Variants in TRMT1L observed in about 807,000 individuals in gnomAD.
TRMT1L encodes tRNA methyltransferase 1L, also known as tRNA (guanine(27)-N(2))-dimethyltransferase.
TRMT1L carries 28 observed loss-of-function variants against 81.6 expected under a neutral mutation model. The ratio of observed to expected loss-of-function variants is 0.34; its 90% confidence interval spans 0.25 to 0.47. The LOEUF (loss-of-function observed/expected upper bound fraction) is 0.47, where lower values mean the gene tolerates loss of function less well. TRMT1L is among the 20% of genes least tolerant of loss of function. TRMT1L has a pLI of 1.00. For synonymous variants in TRMT1L, 301 were observed against 303.2 expected, an observed-to-expected ratio of 0.99 and a Z score of 0.07; for missense variants, 739 against 877.1, an observed-to-expected ratio of 0.84 and a Z score of 1.99.
At chr1:185,155,953 G>A (rs2102266176) in intron 1 of TRMT1L, among the ~76,000 whole-genome samples, 1 of 152,294 alleles carries the variant, frequency 6.6e-6, no homozygotes, top group Non-Finnish European at 1.5e-5. Flanking sequence ...CTTTTCGGAG[G>A]CAAGCTGCTA....
intron 9 of TRMT1L, 91 bp from the exon 10 acceptor site, chr1:185,137,887 T>G: frequency 7.8e-7 from 1 of 1,279,658 alleles, no homozygotes; most frequent in Non-Finnish European, 1.1e-6. Flanking sequence ...CAGTATACTA[T>G]GGATAAGTTA....
chr1:185,141,003 A>G lies in TRMT1L; in HGVS notation c.860-781T>C, dbSNP rs150733451. On this transcript the variant is annotated intron_variant, in intron 7 of 14. Coordinates refer to ENST00000367506, the MANE Select transcript of TRMT1L (RefSeq NM_030934.5). ...AAAAAAAACAACAAAAACAAAAACAAAAAAGCGAATGATTAGAGGAAGAAT... is the reference window on the plus strand; with the variant it reads ...AAAAAAAACAACAAAAACAAAAACAGAAAAGCGAATGATTAGAGGAAGAAT... Among the ~76,000 whole-genome samples, 8 of 151,984 alleles carry G rather than the reference A, an allele frequency of 5.3e-5. No individual in the cohort carries two copies. In the East Asian group the frequency reaches 1.4e-3, roughly 26 times the overall value.
intron 10 of TRMT1L, among the ~76,000 whole-genome samples, chr1:185,132,549 A>T (rs1458489738): frequency 6.6e-6 from 1 of 151,126 alleles, no homozygotes; most frequent in Admixed American, 6.6e-5. Context: ...TAAAAATAAA[A>T]ATAAATAAAT....
In TRMT1L at chr1:185,156,487, C is replaced by A. The variant is rs144761784; in HGVS notation, c.226G>T (p.Ala76Ser). The A allele has an allele frequency of 1.7e-5, 27 of 1,613,830 alleles. No individual in the cohort carries two copies. In the African/African-American group the frequency reaches 3.2e-4, roughly 19 times the overall value. The change falls in exon 1 of 15, where the codon GCT becomes TCT. Residue 76 changes from alanine (A) to serine (S), a missense_variant. Physicochemically the swap from Ala to Ser is moderately conservative, Grantham distance 99. Coordinates refer to ENST00000367506, the MANE Select transcript of TRMT1L (RefSeq NM_030934.5). ...GGCCTTCTGCACTTACTGCTTTTAG[C>A]CTCCTCAGGGGCAGAGGCTAGGGAC... ...SPSLASAPEE[A>S]KSKRHISIQR... is the part of the protein sequence containing the mutation.
At chr1:185,134,740 GGCTATTGGACAT>G (rs1652854896) in intron 10 of TRMT1L, among the ~76,000 whole-genome samples, 1 of 152,206 alleles carries the variant, frequency 6.6e-6, no homozygotes, top group Admixed American at 6.5e-5. Context: ...TAAGTATACA[GGCTATTGGACAT>G]GCTTTGGGCA....
chr1:185,149,969 T>G (rs1653297221), intron 3 of TRMT1L, among the ~76,000 whole-genome samples: 2 of 152,194 alleles, frequency 1.3e-5, no homozygotes, highest in South Asian at 2.1e-4. Flanking sequence ...ACTCCAGTAG[T>G]TTTTTTAAGC....
In TRMT1L at chr1:185,148,204, C is replaced by T. The variant is rs1026199514; in HGVS notation, c.461-958G>A. 2.0e-5 allele frequency among the ~76,000 whole-genome samples: 3 copies of T among 152,142 alleles called. No homozygotes were observed. The East Asian group carries it at 5.8e-4, about 29-fold the overall frequency. ...CTTCTGACAACTCCCAAATGCATAT[C>T]TTTAGCCCCACATTCTTCCTGAACT... is the stretch of plus-strand genomic sequence containing the variant. On this transcript the variant is annotated intron_variant, in intron 3 of 14. Transcript: ENST00000367506.
At chr1:185,143,884 C>A (rs1430764294) in intron 6 of TRMT1L, 22 bp downstream of exon 6, 2 of 1,591,488 alleles carry the variant, frequency 1.3e-6, no homozygotes, top group East Asian at 2.3e-5. Flanking sequence ...CATCCCATAA[C>A]CCTATTTTCA....
At position 185,140,001 on chromosome 1, in the gene TRMT1L, G is replaced by A; in HGVS notation, c.1081C>T (p.Leu361=). 6.2e-7 allele frequency: 1 copy of A among 1,613,538 alleles called. No homozygotes were observed. Among genetic ancestry groups the A allele is most frequent in the East Asian group, 2.2e-5 (1 of 44,752 alleles). ...IKVTKMDANV[L]MHLRSFDFIH... ...AAATCAAAAGATCTCAAATGCATCAGTACATTGGCATCCATTTTGGTCACC... is the reference window on the plus strand; with the variant it reads ...AAATCAAAAGATCTCAAATGCATCAATACATTGGCATCCATTTTGGTCACC... The change falls in exon 8 of 15, where the codon CTG becomes TTG. Residue 361 remains leucine (L), a synonymous_variant. Coordinates refer to ENST00000367506, the MANE Select transcript of TRMT1L (RefSeq NM_030934.5).
At chr1:185,148,052 G>C (rs1186063388) in intron 3 of TRMT1L, among the ~76,000 whole-genome samples, 1 of 152,042 alleles carries the variant, frequency 6.6e-6, no homozygotes, top group African/African-American at 2.4e-5. Context: ...TTATACCTTA[G>C]ATTCGATCAT....
intron 13 of TRMT1L, among the ~76,000 whole-genome samples, chr1:185,121,582 A>C (rs1191130424): frequency 6.6e-6 from 1 of 152,224 alleles, no homozygotes; most frequent in Non-Finnish European, 1.5e-5. Flanking sequence ...TCCATCCATC[A>C]AATCAGAATT....
chr1:185,130,772 G>A (rs1218194808), intron 10 of TRMT1L, among the ~76,000 whole-genome samples: 6 of 152,152 alleles, frequency 3.9e-5, no homozygotes, highest in Non-Finnish European at 8.8e-5. Context: ...TTTAGTTACA[G>A]TTGAGAGTGA....
chr1:185,155,639 T>G (rs905222714), intron 1 of TRMT1L, among the ~76,000 whole-genome samples: 17 of 152,240 alleles, frequency 1.1e-4, no homozygotes, highest in Non-Finnish European at 1.5e-4. Flanking sequence ...AAAGGTCAAC[T>G]TATGACCACA....
chr1:185,139,910 ACTC>A (rs1290815903), intron 8 of TRMT1L, 60 bp downstream of exon 8: 3 of 1,518,492 alleles, frequency 2.0e-6, no homozygotes, highest in Non-Finnish European at 2.6e-6. Context: ...ATTTTTAACT[ACTC>A]CTCGTCCCCA....
At chr1:185,141,863 G>A (rs187672857) in intron 7 of TRMT1L, among the ~76,000 whole-genome samples, 249 of 152,276 alleles carry the variant, frequency 1.6e-3, no homozygotes, top group African/African-American at 5.7e-3. Context: ...TAACATTAAT[G>A]TGGTGCTTCA....
At chr1:185,133,661 A>C (rs1380594372) in intron 10 of TRMT1L, among the ~76,000 whole-genome samples, 1 of 149,180 alleles carries the variant, frequency 6.7e-6, no homozygotes, top group Non-Finnish European at 1.5e-5. Flanking sequence ...GCAGTGGTGT[A>C]ACCATAGCTC....
At chr1:185,137,068 A>T (rs1171326357) in intron 10 of TRMT1L, among the ~76,000 whole-genome samples, 1 of 152,206 alleles carries the variant, frequency 6.6e-6, no homozygotes, top group African/African-American at 2.4e-5. Flanking sequence ...AATTCATAAA[A>T]TACCAAGAAC....
At chr1:185,143,750 A>G (rs1377465395) in intron 6 of TRMT1L, among the ~76,000 whole-genome samples, 156 bp downstream of exon 6, 1 of 152,094 alleles carries the variant, frequency 6.6e-6, no homozygotes, top group East Asian at 1.9e-4. Flanking sequence ...GCTTGTTAGA[A>G]AAAAAGAAAC....
Position 185,156,561 on chromosome 1 carries a change from G to A in TRMT1L, c.152C>T (p.Ser51Leu), listed in dbSNP as rs771820572. ...CAGGGCAGGGGCTGGGGCTGGAGCC[G>A]AGGCCGGAGTCGGAGCCGAGTCCAG... ...SALDSAPTPASAPAPAPALAQ... is the reference protein window; with the variant it reads ...SALDSAPTPALAPAPAPALAQ... Residue 51 changes from serine to leucine, a missense_variant, in exon 1 of 15, where the codon TCG becomes TTG. Physicochemically the swap from Ser to Leu is moderately radical, Grantham distance 145 (BLOSUM62 -2). Transcript: ENST00000367506. 6.9e-6 allele frequency: 11 copies of A among 1,601,882 alleles called. No individual in the cohort carries two copies. Among genetic ancestry groups the A allele is most frequent in the East Asian group, 4.5e-5 (2 of 44,510 alleles).
Sources: allele counts gnomAD v4.1 joint callset (sites outside exome capture counted in the v4.1 genomes callset), GRCh38; gene constraint gnomAD v4.1.1; transcripts MANE v1.5; gene names NCBI Gene and HGNC (gene_info 2026-07-23, HGNC 2026-07-21).